The following PDE11A variants were observed in gnomAD, a reference collection of about 807,000 sequenced individuals.
PDE11A encodes dual 3',5'-cyclic-AMP and -GMP phosphodiesterase 11A.
PDE11A carries 100 observed loss-of-function variants against 100.5 expected under a neutral mutation model. The observed-to-expected ratio is 1.00, with a 90% CI of 0.85 to 1.18. PDE11A has a LOEUF of 1.18. Among genes scored for constraint, PDE11A ranks in the 50% most tolerant of loss-of-function variants. The pLI is 0.00. For missense variants in PDE11A, 1,141 were observed against 1,152.6 expected (o/e 0.99, Z 0.15); for synonymous variants, 381 against 420.8 (o/e 0.91, Z 1.16).
At chr2:177,771,596 A>G (rs1367426597) in intron 9 of PDE11A, among the ~76,000 whole-genome samples, 1 of 152,208 alleles carries the variant, frequency 6.6e-6, no homozygotes, top group Non-Finnish European at 1.5e-5. Flanking sequence ...TGAAAACACT[A>G]ACAAGGAGTC....
At chr2:178,092,904 G>A (rs2087442078) in intron 2 of PDE11A, 1 of 152,128 alleles carries the variant, frequency 6.6e-6, no homozygotes, top group African/African-American at 2.4e-5. Context: ...TACAGTCCCA[G>A]GGATATATTT....
chr2:178,013,186 C>T (rs1388379914), intron 2 of PDE11A, among the ~76,000 whole-genome samples: 6 of 152,144 alleles, frequency 3.9e-5, no homozygotes, highest in Non-Finnish European at 7.3e-5. Context: ...GAACAACTTG[C>T]TGATGATTCT....
rs145383363 is a variant in PDE11A, at chr2:177,650,692, A to G, written c.2646+13174T>C. Among the ~76,000 whole-genome samples, 212 of 152,324 alleles carry G rather than the reference A, an allele frequency of 1.4e-3. 1 individual carries two copies. Among genetic ancestry groups the G allele is most frequent in the African/African-American group, 4.4e-3 (182 of 41,572 alleles). On this transcript the variant is annotated intron_variant, in intron 19 of 19. Transcript: ENST00000286063. ...AGGTAATATATTTCAAATTTTATAC[A>G]TAGATAGTAGGATATATTGGAACAA...
intron 2 of PDE11A, among the ~76,000 whole-genome samples, chr2:178,088,012 G>C (rs1186019481): frequency 6.6e-6 from 1 of 152,028 alleles, no homozygotes. Flanking sequence ...TTATAGATGA[G>C]GAAATACTGT....
intron 9 of PDE11A, among the ~76,000 whole-genome samples, chr2:177,795,789 T>G (rs2082697024): frequency 6.6e-6 from 1 of 151,590 alleles, no homozygotes; most frequent in South Asian, 2.1e-4. Context: ...TTTATCATTT[T>G]TATGTATTGA....
intron 2 of PDE11A, among the ~76,000 whole-genome samples, chr2:177,943,209 C>T (rs921677041): frequency 3.9e-5 from 6 of 152,200 alleles, no homozygotes; most frequent in Admixed American, 3.9e-4. Context: ...CTTCAAGACC[C>T]TGCATTTAAT....
chr2:177,889,019 A>T (rs1307254251), intron 4 of PDE11A, among the ~76,000 whole-genome samples: 1 of 152,116 alleles, frequency 6.6e-6, no homozygotes, highest in Non-Finnish European at 1.5e-5. Context: ...ACTTATCCCA[A>T]CTTCCCCACT....
chr2:177,682,045 T>C (rs1394567912), intron 15 of PDE11A, among the ~76,000 whole-genome samples: 2 of 152,160 alleles, frequency 1.3e-5, no homozygotes, highest in African/African-American at 4.8e-5. Context: ...TTTTAAAGTC[T>C]GATAAGAAAC....
exon 1 of PDE11A, chr2:178,108,270 G>A (rs1036038037): frequency 2.0e-5 from 3 of 152,272 alleles, no homozygotes; most frequent in African/African-American, 7.2e-5. Context: ...CAGCCACCTG[G>A]CCAGAGTCCA....
At chr2:177,898,278 G>C in intron 3 of PDE11A, 80 bp from the exon 4 acceptor site, 2 of 900,554 alleles carry the variant, frequency 2.2e-6, no homozygotes, top group South Asian at 3.0e-5. Flanking sequence ...TTTAATCTTT[G>C]CTTCAATAAA....
chr2:177,895,118 A>C (rs2084589563), intron 4 of PDE11A, among the ~76,000 whole-genome samples: 1 of 152,114 alleles, frequency 6.6e-6, no homozygotes, highest in Non-Finnish European at 1.5e-5. Context: ...TTGAACTTAA[A>C]ATTAAAAAAA....
intron 14 of PDE11A, among the ~76,000 whole-genome samples, chr2:177,700,373 A>C (rs2081178869): frequency 6.7e-6 from 1 of 148,196 alleles, no homozygotes; most frequent in Admixed American, 6.8e-5. Flanking sequence ...CTGACAAATA[A>C]TGGGGAACAG....
intron 2 of PDE11A, among the ~76,000 whole-genome samples, chr2:177,942,406 A>ATTT (rs34568974): frequency 0.31 from 42,641 of 136,534 alleles, 7,398 homozygotes; most frequent in East Asian, 0.51. Flanking sequence ...TTTTAAAATT[A>ATTT]TTTTTTTTTT....
chr2:177,877,767 GT>G (rs200636113), intron 4 of PDE11A, among the ~76,000 whole-genome samples: 1,689 of 152,134 alleles, frequency 0.011, 31 homozygotes, highest in African/African-American at 0.038. Flanking sequence ...ATGCTTTGAA[GT>G]CTCCTTTTCT....
At position 177,955,152 on chromosome 2, in the gene PDE11A, G is replaced by A. The variant is rs150695359; in HGVS notation, c.1072-49965C>T. 1.8e-4 allele frequency among the ~76,000 whole-genome samples: 28 copies of A among 152,132 alleles called. 1 individual carries two copies. In the East Asian group the frequency reaches 4.4e-3, roughly 24 times the overall value. ...TGATGTTTTCTCTTAGATTTTTCCC[G>A]GGTAGGAATAATAATTCTGTAACTA... On this transcript the variant is annotated intron_variant, in intron 2 of 19. Transcript: ENST00000286063.
rs757337469 is a variant in PDE11A at position 178,072,033 on chromosome 2, C to T, written c.405G>A (p.Arg135=). 27 of 1,613,756 alleles carry T rather than the reference C, an allele frequency of 1.7e-5. No individual in the cohort carries two copies. The change falls in exon 1 of 20, where the codon AGG becomes AGA. Residue 135 remains arginine, a synonymous_variant. Transcript: ENST00000286063. ...GGGAGGTCACCTGTTCATCGTAGGTCCTGTTCACGTGGATGGCCTTGGAGC... is the reference window on the plus strand; with the variant it reads ...GGGAGGTCACCTGTTCATCGTAGGTTCTGTTCACGTGGATGGCCTTGGAGC... The part of the protein sequence containing the change: ...FARSKAIHVN[R]TYDEQVTSRA...
At chr2:177,750,311 TA>T (rs1232668915) in intron 10 of PDE11A, among the ~76,000 whole-genome samples, 1 of 152,148 alleles carries the variant, frequency 6.6e-6, no homozygotes, top group African/African-American at 2.4e-5. Flanking sequence ...ATACTGACAA[TA>T]AAAAATGAAG....
chr2:177,951,135 G>T (rs1527290), intron 2 of PDE11A, among the ~76,000 whole-genome samples: 111,865 of 152,052 alleles, frequency 0.74, 41,477 homozygotes, highest in East Asian at 0.8. Context: ...GTAAACAAGT[G>T]TTACTTAAAA....
At chr2:177,686,399 T>G (rs1271334496) in intron 15 of PDE11A, among the ~76,000 whole-genome samples, 1 of 152,046 alleles carries the variant, frequency 6.6e-6, no homozygotes, top group Non-Finnish European at 1.5e-5. Context: ...GGATTCCGTC[T>G]CTAGAAAAAA....
Sources: gnomAD v4.1 joint callset for allele counts (sites outside exome capture counted in the v4.1 genomes callset) on GRCh38, gnomAD v4.1.1 for gene constraint, MANE v1.5 for transcripts, NCBI Gene and HGNC (gene_info 2026-07-23, HGNC 2026-07-21) for gene names.